Variants in ZNF148 observed in about 807,000 individuals in gnomAD.
ZNF148 encodes the protein zinc finger protein 148.
A neutral mutation model predicts 67.7 loss-of-function variants in ZNF148; 7 were observed. The observed-to-expected ratio is 0.10, with a 90% CI of 0.06 to 0.19. The LOEUF (loss-of-function observed/expected upper bound fraction) is 0.19, where lower values mean the gene tolerates loss of function less well. Ranked by LOEUF, ZNF148 falls within the 10% of genes least tolerant of loss-of-function variation. The pLI is 1.00. For synonymous variants in ZNF148, 333 were observed against 330.7 expected, an observed-to-expected ratio of 1.01 and a Z score of -0.08; for missense variants, 583 against 947.1, an observed-to-expected ratio of 0.62 and a Z score of 5.05.
intron 1 of ZNF148, among the ~76,000 whole-genome samples, chr3:125,371,613 C>A (rs1228333354): frequency 1.4e-5 from 2 of 142,380 alleles, no homozygotes; most frequent in South Asian, 2.3e-4. Flanking sequence ...GAGCCGAGAT[C>A]GTGCCACTGC....
Position 125,228,098 on chromosome 3 carries a change from ACTAT to A in ZNF148, c.*4239_*4242del, listed in dbSNP as rs1282209850. ...AATGTAGTTATGAAATATGAAGAGA[ACTAT>A]CTATTTCACAATGGAGCTGAAGTCA... On this transcript the variant is annotated 3_prime_UTR_variant, in exon 9 of 9. Coordinates refer to ENST00000360647, the MANE Select transcript of ZNF148 (RefSeq NM_021964.3). The A allele has an allele frequency of 5.2e-5, 8 of 152,646 alleles. No homozygotes were observed. The highest frequency in any genetic ancestry group is 2.6e-4 in the Admixed American group (4 of 15,278). The allele number at this position is 152,646 out of a possible 1,614,324, so 9.5% of individuals were successfully genotyped here. A position where few individuals can be genotyped will look rare whatever the true frequency, so the allele number is the denominator to read the frequency against.
intron 1 of ZNF148, among the ~76,000 whole-genome samples, chr3:125,353,292 TG>T (rs1197457621): frequency 2.0e-5 from 3 of 151,874 alleles, no homozygotes; most frequent in Admixed American, 6.6e-5. Flanking sequence ...AGTGTTGGAA[TG>T]GGGTGGGAAC....
At chr3:125,292,826 C>T (rs1297390404) in intron 4 of ZNF148, 1 of 152,188 alleles carries the variant, frequency 6.6e-6, no homozygotes, top group Non-Finnish European at 1.5e-5. Context: ...ATAGTAGCTG[C>T]TTTTTAAAAC....
intron 7 of ZNF148, among the ~76,000 whole-genome samples, chr3:125,243,421 T>G (rs1936455292): frequency 6.6e-6 from 1 of 152,184 alleles, no homozygotes; most frequent in African/African-American, 2.4e-5. Context: ...AGAAAATATT[T>G]TTTAACTTAT....
chr3:125,234,897 T>A (rs1432979324), intron 7 of ZNF148, among the ~76,000 whole-genome samples: 1 of 152,198 alleles, frequency 6.6e-6, no homozygotes, highest in Non-Finnish European at 1.5e-5. Flanking sequence ...GGGAATGAAT[T>A]AAACTGAGTA....
intron 4 of ZNF148, among the ~76,000 whole-genome samples, chr3:125,304,561 A>G (rs947933134): frequency 2.0e-5 from 3 of 152,186 alleles, no homozygotes; most frequent in Non-Finnish European, 4.4e-5. Context: ...TAATAAGAAA[A>G]TAAGTAAATA....
chr3:125,353,402 G>A (rs560729603), intron 1 of ZNF148, among the ~76,000 whole-genome samples: 1 of 152,162 alleles, frequency 6.6e-6, no homozygotes, highest in Non-Finnish European at 1.5e-5. Flanking sequence ...GCATAAAATT[G>A]CTAGAACTGT....
chr3:125,289,846 AAACC>A (rs2107628374), intron 4 of ZNF148, among the ~76,000 whole-genome samples: 1 of 152,318 alleles, frequency 6.6e-6, no homozygotes, highest in Non-Finnish European at 1.5e-5. Context: ...TGCCATTCAC[AAACC>A]AACCAAGAGC....
At chr3:125,291,066 G>A (rs9840737) in intron 4 of ZNF148, among the ~76,000 whole-genome samples, 117,220 of 152,022 alleles carry the variant, frequency 0.77, 45,729 homozygotes, top group African/African-American at 0.85. Flanking sequence ...ATGAATAAAT[G>A]TTTCACTACA....
At chr3:125,287,898 T>C (rs1938785435) in intron 5 of ZNF148, among the ~76,000 whole-genome samples, 1 of 152,162 alleles carries the variant, frequency 6.6e-6, no homozygotes, top group African/African-American at 2.4e-5. Flanking sequence ...AAAAGTTCAC[T>C]TTTAGACAAG....
At chr3:125,234,060 CAA>C in intron 8 of ZNF148, 121 bp from the exon 9 acceptor site, 1 of 1,349,778 alleles carries the variant, frequency 7.4e-7, no homozygotes, top group Non-Finnish European at 9.9e-7. Flanking sequence ...TAATTCCAAA[CAA>C]ATTCACTGAG....
chr3:125,232,798 A>C lies in ZNF148; in HGVS notation c.1928T>G (p.Phe643Cys). The C allele has an allele frequency of 6.2e-7, 1 of 1,613,826 alleles. No individual in the cohort carries two copies. The highest frequency in any genetic ancestry group is 8.5e-7 in the Non-Finnish European group (1 of 1,179,800). The change falls in exon 9 of 9, where the codon TTC becomes TGC. Residue 643 changes from phenylalanine to cysteine, a missense_variant. Transcript: ENST00000360647. This position sits in a 1 kb window ranked among gnomAD's most constrained non-coding sequence, Gnocchi z 4.2. ...DNQTLPNQPAFSSIDKQVYAT... is the reference protein window; with the variant it reads ...DNQTLPNQPACSSIDKQVYAT... ...ATAGACCTGCTTGTCTATGGAAGAG[A>C]ATGCTGGCTGATTTGGGAGGGTCTG...
rs1281505340 is a variant in ZNF148 at position 125,288,248 on chromosome 3, C to A, written c.334-20G>T. 1 of 1,590,420 alleles carries A rather than the reference C, an allele frequency of 6.3e-7. No homozygotes were observed. ...GCTTATCTGTTTAAAAAAAGAAAAGCCAATTTTAGACATAAATAAAAAGTT... is the reference window on the plus strand; with the variant it reads ...GCTTATCTGTTTAAAAAAAGAAAAGACAATTTTAGACATAAATAAAAAGTT... On this transcript the variant is annotated intron_variant, in intron 4 of 8. Transcript: ENST00000360647.
At chr3:125,267,203 C>T (rs1560126490) in intron 7 of ZNF148, among the ~76,000 whole-genome samples, 1 of 151,706 alleles carries the variant, frequency 6.6e-6, no homozygotes, top group Non-Finnish European at 1.5e-5. Context: ...TCCTCCCTAA[C>T]TCATTCTACG....
chr3:125,287,814 T>A (rs1178445632), intron 5 of ZNF148, among the ~76,000 whole-genome samples: 1 of 152,084 alleles, frequency 6.6e-6, no homozygotes, highest in African/African-American at 2.4e-5. Flanking sequence ...GAAACCTTAA[T>A]ATAAAGATAA....
intron 1 of ZNF148, among the ~76,000 whole-genome samples, chr3:125,368,827 T>A (rs1436676862): frequency 6.6e-6 from 1 of 151,716 alleles, no homozygotes; most frequent in African/African-American, 2.4e-5. Context: ...ACGCCTGTAG[T>A]CCCAGCCACT....
chr3:125,253,422 CTTCT>C (rs1285951385), intron 7 of ZNF148, among the ~76,000 whole-genome samples: 10 of 151,914 alleles, frequency 6.6e-5, no homozygotes, highest in Admixed American at 1.3e-4. Context: ...TGATAGTTTC[CTTCT>C]TTCTTTACTT....
chr3:125,321,881 AT>A (rs201795025), intron 3 of ZNF148, among the ~76,000 whole-genome samples: 167 of 148,526 alleles, frequency 1.1e-3, no homozygotes, highest in African/African-American at 2.7e-3. Context: ...TAAACACCTA[AT>A]TTTTTTTTTT....
intron 1 of ZNF148, among the ~76,000 whole-genome samples, chr3:125,337,071 G>T (rs1368177489): frequency 6.6e-6 from 1 of 151,276 alleles, no homozygotes; most frequent in Non-Finnish European, 1.5e-5. Context: ...AATTAGTGTG[G>T]TTACTGCACT....
Sources: allele counts gnomAD v4.1 joint callset (sites outside exome capture counted in the v4.1 genomes callset), GRCh38; gene constraint gnomAD v4.1.1; non-coding constraint Gnocchi (gnomAD v3.1); transcripts MANE v1.5; gene names NCBI Gene and HGNC (gene_info 2026-07-23, HGNC 2026-07-21).